Variants in TXNRD2 observed in about 807,000 individuals in gnomAD.
TXNRD2 encodes thioredoxin reductase 2, mitochondrial.
A neutral mutation model predicts 70.8 loss-of-function variants in TXNRD2; 67 were observed. The ratio of observed to expected loss-of-function variants is 0.95; its 90% CI spans 0.78 to 1.16. The LOEUF (loss-of-function observed/expected upper bound fraction) is 1.16, where lower values mean the gene tolerates loss of function less well. Ranked by LOEUF, TXNRD2 falls within the 50% of genes most tolerant of loss-of-function variation. The pLI is 0.00. For missense variants in TXNRD2, 644 were observed against 719.9 expected (o/e 0.89, Z 1.21); for synonymous variants, 301 against 295.8 (o/e 1.02, Z -0.18).
intron 8 of TXNRD2, among the ~76,000 whole-genome samples, chr22:19,907,941 T>C (rs1940140264): frequency 1.3e-5 from 1 of 76,980 alleles, no homozygotes; most frequent in Non-Finnish European, 2.4e-5. Context: ...TGGGTAGCAG[T>C]GACAGCTCTC....
In TXNRD2 at chr22:19,883,595, TAGG is replaced by T. The variant is rs981468689; in HGVS notation, c.950-137_950-135del. On this transcript the variant is annotated intron_variant, in intron 11 of 17. Transcript: ENST00000400521. ...GCTCCTGCCTGTAATCCCAGCACTG[TAGG>T]AGGACGAGGTGGGCAAATCACCTGA... The T allele has an allele frequency of 3.8e-6, 5 of 1,306,346 alleles. No individual in the cohort carries two copies. In the African/African-American group the frequency reaches 5.8e-5, roughly 15 times the overall value. The allele number at this position is 1,306,346 out of a possible 1,614,324, so 80.9% of individuals were successfully genotyped here.
chr22:19,898,500 C>A (rs945633660), intron 9 of TXNRD2, among the ~76,000 whole-genome samples: 8 of 139,360 alleles, frequency 5.7e-5, no homozygotes, highest in East Asian at 2.2e-4. Context: ...TCTCAGCCAG[C>A]GGCTTGGGGC....
chr22:19,939,214 C>T (rs994960410), intron 1 of TXNRD2, among the ~76,000 whole-genome samples: 5 of 152,098 alleles, frequency 3.3e-5, no homozygotes, highest in Non-Finnish European at 4.4e-5. Flanking sequence ...AGATCTGTAC[C>T]GACTCCTCAG....
chr22:19,896,531 G>A (rs1601411801), intron 10 of TXNRD2, among the ~76,000 whole-genome samples: 1 of 152,264 alleles, frequency 6.6e-6, no homozygotes, highest in African/African-American at 2.4e-5. Context: ...AGGGTAGGTA[G>A]GAGACTCTGC....
intron 11 of TXNRD2, among the ~76,000 whole-genome samples, chr22:19,892,105 G>T (rs773533499): frequency 3.3e-5 from 5 of 152,262 alleles, no homozygotes; most frequent in African/African-American, 4.8e-5. Context: ...TTGTGCGGAC[G>T]TAGTGCACAC....
intron 2 of TXNRD2, among the ~76,000 whole-genome samples, chr22:19,920,063 A>G (rs952931140): frequency 2.6e-5 from 4 of 152,024 alleles, no homozygotes; most frequent in Non-Finnish European, 4.4e-5. Context: ...GCCCCTTCCC[A>G]TCCCAGCCAG....
intron 16 of TXNRD2, 66 bp from the exon 17 acceptor site, chr22:19,877,300 C>T: frequency 6.8e-7 from 1 of 1,464,888 alleles, no homozygotes; most frequent in South Asian, 1.2e-5. Flanking sequence ...AGCATCCCAC[C>T]CCCGGGAAGA....
intron 2 of TXNRD2, among the ~76,000 whole-genome samples, chr22:19,929,326 C>CAAA (rs34528546): frequency 1.2e-5 from 1 of 84,418 alleles, no homozygotes; most frequent in Non-Finnish European, 2.3e-5. Context: ...GACTCCATCT[C>CAAA]AAAAAAAAAA....
chr22:19,898,748 CCTGT>C lies in TXNRD2; in HGVS notation c.682+297_682+300del, dbSNP rs527754378. ...TCCTGCAGCTCCTCTCCTGACCCTC[CCTGT>C]CTAATTGTCCCTTCTGAAGCAATGG... On this transcript the variant is annotated intron_variant, in intron 9 of 17. Transcript: ENST00000400521. 5.9e-5 allele frequency among the ~76,000 whole-genome samples: 9 copies of C among 152,130 alleles called. No homozygotes were observed. In the South Asian group the frequency reaches 1.7e-3, roughly 28 times the overall value.
At chr22:19,911,260 C>A in intron 8 of TXNRD2, 117 bp downstream of exon 8, 1 of 877,586 alleles carries the variant, frequency 1.1e-6, no homozygotes. Context: ...TTTTTTCCTT[C>A]TTTTGGGTAA....
chr22:19,916,118 T>C (rs1243259537), intron 5 of TXNRD2: 2 of 429,054 alleles, frequency 4.7e-6, no homozygotes, highest in East Asian at 5.0e-5. Context: ...AGAGGCCACG[T>C]ACAGCCCTGG....
intron 8 of TXNRD2, among the ~76,000 whole-genome samples, chr22:19,910,716 C>T (rs1328313195): frequency 6.6e-6 from 1 of 152,136 alleles, no homozygotes; most frequent in Non-Finnish European, 1.5e-5. Context: ...AAGCAATCCT[C>T]CCACCTAAAG....
intron 8 of TXNRD2, among the ~76,000 whole-genome samples, chr22:19,907,263 GTA>G (rs1940086455): frequency 1.9e-5 from 1 of 53,044 alleles, no homozygotes. Flanking sequence ...GGCGCCGTGG[GTA>G]GCAGTGACCG....
chr22:19,898,777 G>C (rs945539149), intron 9 of TXNRD2, among the ~76,000 whole-genome samples: 1 of 152,056 alleles, frequency 6.6e-6, no homozygotes. Context: ...TGAAGCAATG[G>C]GTCCAGGCTG....
At chr22:19,895,921 C>T (rs1038374056) in intron 10 of TXNRD2, among the ~76,000 whole-genome samples, 1 of 152,196 alleles carries the variant, frequency 6.6e-6, no homozygotes, top group Non-Finnish European at 1.5e-5. Flanking sequence ...CCCTCAAGCC[C>T]AGGAGTTTGA....
Position 19,915,217 on chromosome 22 carries a change from C to T in TXNRD2, c.588G>A (p.Thr196=), listed in dbSNP as rs377699868. 3.5e-5 allele frequency: 57 copies of T among 1,613,534 alleles called. No individual in the cohort carries two copies. Among genetic ancestry groups the T allele is most frequent in the Non-Finnish European group, 4.7e-5 (55 of 1,179,844 alleles). Residue 196 remains threonine (T), a synonymous_variant, in exon 7 of 18, where the codon ACG becomes ACA. Transcript: ENST00000400521. The part of the protein sequence containing the change: ...IATGGRPRYP[T]HIEGALEYGI... ...GCTATGCTCTGGGGACACTCACGTG[C>T]GTGGGGTATCTCGGCCGCCCTCCAG...
chr22:19,895,581 G>T lies in TXNRD2; in HGVS notation c.775C>A (p.Gln259Lys), dbSNP rs1939470316. The change falls in exon 11 of 18, where the codon CAA becomes AAA. Residue 259 changes from glutamine to lysine, a missense_variant and splice_region_variant. Gln to Lys is a moderately conservative substitution (Grantham distance 53). Transcript: ENST00000400521. ...TGCTCTATGACCATGGAGGACATTT[G>T]CTGCAAAGCACAAGAAGACAGGCCA... is the stretch of plus-strand genomic sequence containing the variant. ...RSIPLRGFDQ[Q>K]MSSMVIEHMA... is the part of the protein sequence containing the mutation. 2 of 1,610,410 alleles carry T rather than the reference G, an allele frequency of 1.2e-6. No individual in the cohort carries two copies. Among genetic ancestry groups the T allele is most frequent in the Non-Finnish European group, 1.7e-6 (2 of 1,180,028 alleles).
intron 11 of TXNRD2, among the ~76,000 whole-genome samples, chr22:19,890,100 C>T (rs1317032815): frequency 2.0e-5 from 3 of 152,162 alleles, no homozygotes; most frequent in Non-Finnish European, 4.4e-5. Context: ...AAGCACAGGG[C>T]GCTGCCTCCT....
At chr22:19,896,113 C>G (rs145334963) in intron 10 of TXNRD2, among the ~76,000 whole-genome samples, 42 of 152,142 alleles carry the variant, frequency 2.8e-4, no homozygotes, top group African/African-American at 1.0e-3. Context: ...CTGGCTAACA[C>G]GGTGAAACAC....
Sources: allele counts gnomAD v4.1 joint callset (sites outside exome capture counted in the v4.1 genomes callset), GRCh38; gene constraint gnomAD v4.1.1; transcripts MANE v1.5; gene names NCBI Gene and HGNC (gene_info 2026-07-23, HGNC 2026-07-21).